KCNG2: variants seen among roughly 807,000 people sequenced by gnomAD.
The protein encoded by KCNG2 is voltage-gated potassium channel regulatory subunit KCNG2.
A neutral mutation model predicts 12.3 loss-of-function variants in KCNG2; 7 were observed. That is an observed-to-expected ratio of 0.57 (90% CI 0.32 to 1.07). The LOEUF is 1.07. KCNG2 is among the 50% of genes least tolerant of loss of function. The probability of loss-of-function intolerance (pLI) is 0.04; values close to 1 mark genes in which losing one functional copy is unlikely to be tolerated. For synonymous variants in KCNG2, 414 were observed against 351.4 expected (o/e 1.18, Z -1.99); for missense variants, 703 against 726.0 (o/e 0.97, Z 0.36).
At chr18:79,823,004 C>G (rs758310486) in intron 1 of KCNG2, among the ~76,000 whole-genome samples, 16 of 152,154 alleles carry the variant, frequency 1.1e-4, no homozygotes, top group Non-Finnish European at 2.4e-4. Flanking sequence ...AAGGCCCTTC[C>G]CACCTCCCTC....
rs982445596 is a variant in KCNG2, at chr18:79,884,759, C to T, written c.625-14281C>T. Among the ~76,000 whole-genome samples the T allele has an allele frequency of 6.6e-6, 1 of 152,222 alleles. No homozygotes were observed. Among genetic ancestry groups the T allele is most frequent in the Non-Finnish European group, 1.5e-5 (1 of 68,034 alleles). On this transcript the variant is annotated intron_variant, in intron 3 of 3. Coordinates refer to ENST00000316249, the MANE Select transcript of KCNG2 (RefSeq NM_012283.2). This position sits in a 1 kb window ranked among gnomAD's most constrained non-coding sequence, Gnocchi z 5.5. ...CAGGGGTCCGCCCGGCTCTGTGTTCCTCGGGGGGGCTCATCCTGGGGCCCA... is the reference window on the plus strand; with the variant it reads ...CAGGGGTCCGCCCGGCTCTGTGTTCTTCGGGGGGGCTCATCCTGGGGCCCA...
intron 3 of KCNG2, among the ~76,000 whole-genome samples, chr18:79,868,452 C>T (rs1055759681): frequency 2.6e-5 from 4 of 152,164 alleles, no homozygotes; most frequent in East Asian, 1.9e-4. Context: ...GACCCGTGTC[C>T]GAGCGTTGCA....
intron 1 of KCNG2, among the ~76,000 whole-genome samples, chr18:79,840,566 A>T (rs1332005218): frequency 6.6e-6 from 1 of 152,220 alleles, no homozygotes; most frequent in Non-Finnish European, 1.5e-5. Context: ...AATCCCAGTG[A>T]TTTAAAAAAT....
intron 3 of KCNG2, among the ~76,000 whole-genome samples, chr18:79,871,592 G>A (rs898639832): frequency 1.3e-5 from 2 of 152,206 alleles, no homozygotes; most frequent in African/African-American, 2.4e-5. Flanking sequence ...GACGTCTTGC[G>A]GCAGCAAGTC....
At chr18:79,860,686 T>C (rs1568259442) in intron 2 of KCNG2, among the ~76,000 whole-genome samples, 1 of 152,068 alleles carries the variant, frequency 6.6e-6, no homozygotes, top group Admixed American at 6.6e-5. Context: ...TGTGTGCGCA[T>C]GTGTATGTGT....
At chr18:79,824,471 C>A (rs1207911409) in intron 1 of KCNG2, among the ~76,000 whole-genome samples, 1 of 152,158 alleles carries the variant, frequency 6.6e-6, no homozygotes, top group Admixed American at 6.5e-5. Flanking sequence ...ACGGTTTCAC[C>A]CCTTCTTTAC....
At chr18:79,873,530 G>C (rs777048688) in intron 3 of KCNG2, among the ~76,000 whole-genome samples, 1 of 151,992 alleles carries the variant, frequency 6.6e-6, no homozygotes, top group African/African-American at 2.4e-5. Flanking sequence ...GCAGCTGTGA[G>C]GGGCGTCGGG....
chr18:79,798,162 C>T (rs1053253619), intron 1 of KCNG2, among the ~76,000 whole-genome samples, 148 bp downstream of exon 1: 1 of 107,014 alleles, frequency 9.3e-6, no homozygotes, highest in African/African-American at 3.6e-5. Flanking sequence ...CGCGCGGGCG[C>T]GGGAGGGTCG....
intron 1 of KCNG2, among the ~76,000 whole-genome samples, chr18:79,807,458 G>A (rs925205352): frequency 1.3e-5 from 2 of 152,270 alleles, no homozygotes; most frequent in South Asian, 2.1e-4. Context: ...CCACCTCAGC[G>A]GCGCGGACTG....
In KCNG2 at chr18:79,899,758, ACAGCGCGGGCCTGG is replaced by A; in HGVS notation, c.1345_1358del (p.Ser449ArgfsTer60). ...ACCGAGGACAGCTCGCAGGGCCCCG[ACAGCGCGGGCCTGG>A]CCGACGACTCCGCGGATGCGCTGTG... On this transcript the variant is annotated frameshift_variant, in exon 4 of 4. Coordinates refer to ENST00000316249, the MANE Select transcript of KCNG2 (RefSeq NM_012283.2). LOFTEE classifies it low-confidence loss of function (END_TRUNC). 4 of 1,569,474 alleles carry A rather than the reference ACAGCGCGGGCCTGG, an allele frequency of 2.5e-6. No homozygotes were observed. The highest frequency in any genetic ancestry group is 3.4e-6 in the Non-Finnish European group (4 of 1,163,676).
At chr18:79,815,716 G>C (rs1356492184) in intron 1 of KCNG2, among the ~76,000 whole-genome samples, 1 of 152,230 alleles carries the variant, frequency 6.6e-6, no homozygotes, top group African/African-American at 2.4e-5. Flanking sequence ...AGGGAGAAAA[G>C]AGGGGCTGTT....
intron 1 of KCNG2, among the ~76,000 whole-genome samples, chr18:79,828,613 C>T (rs1232305803): frequency 2.0e-5 from 3 of 150,102 alleles, no homozygotes; most frequent in South Asian, 2.1e-4. Context: ...ATGTGTGTAA[C>T]GTGTCTATGA....
intron 1 of KCNG2, among the ~76,000 whole-genome samples, chr18:79,798,370 C>T (rs2087380234): frequency 6.6e-6 from 1 of 152,108 alleles, no homozygotes; most frequent in Non-Finnish European, 1.5e-5. Flanking sequence ...CGTCTATTCG[C>T]GCTGGTCCTG....
rs1979324583 is a variant in KCNG2 at position 79,863,799 on chromosome 18, G to A, written c.132G>A (p.Glu44=). The A allele has an allele frequency of 1.5e-6, 2 of 1,310,520 alleles. No individual in the cohort carries two copies. Among genetic ancestry groups the A allele is most frequent in the East Asian group, 3.6e-5 (1 of 28,076 alleles). 81.2% of individuals were successfully genotyped at this position (1,310,520 alleles called of 1,614,324 possible). Residue 44 remains glutamate (E), a synonymous_variant, in exon 3 of 4, where the codon GAG becomes GAA. Transcript: ENST00000316249. The part of the protein sequence containing the change: ...ALARCPLARL[E]RLRACRGHDD... The stretch of plus-strand genomic sequence containing the variant: ...CGCGATGCCCCCTCGCGCGCCTGGA[G>A]CGCCTGCGCGCCTGCCGCGGCCACG...
rs1981099051 is a variant in KCNG2 at position 79,899,245 on chromosome 18, C to G, written c.830C>G (p.Thr277Ser). ...LLGLAAGPGG[T>S]KLLERAGLVL... Reference sequence around the variant, plus strand: ...GGGCTGGCGGCAGGCCCGGGCGGGACCAAGCTCCTGGAGCGCGCGGGGCTG... The same window carrying G: ...GGGCTGGCGGCAGGCCCGGGCGGGAGCAAGCTCCTGGAGCGCGCGGGGCTG... The change falls in exon 4 of 4, where the codon ACC (threonine) becomes AGC (serine). Residue 277 changes from threonine to serine, a missense_variant. By Grantham distance (58) the Thr-to-Ser change is moderately conservative (BLOSUM62 1). Transcript: ENST00000316249. The G allele has an allele frequency of 1.3e-6, 2 of 1,596,660 alleles. No homozygotes were observed. The highest frequency in any genetic ancestry group is 1.7e-4 in the Middle Eastern group (1 of 6,032).
chr18:79,854,577 A>T (rs1158269391), intron 1 of KCNG2, among the ~76,000 whole-genome samples: 3 of 133,046 alleles, frequency 2.3e-5, no homozygotes, highest in African/African-American at 8.4e-5. Flanking sequence ...CCCAGGCTGG[A>T]GTGCGGTGGC....
At chr18:79,854,109 C>G (rs1334042777) in intron 1 of KCNG2, among the ~76,000 whole-genome samples, 1 of 152,244 alleles carries the variant, frequency 6.6e-6, no homozygotes, top group Non-Finnish European at 1.5e-5. Context: ...GTTTCCTGGT[C>G]GTGGGCTCAG....
chr18:79,870,579 A>C (rs1273568003), intron 3 of KCNG2, among the ~76,000 whole-genome samples: 1 of 152,228 alleles, frequency 6.6e-6, no homozygotes, highest in Admixed American at 6.5e-5. Flanking sequence ...GCATCTGCTC[A>C]CTGGAGACCT....
At chr18:79,888,661 C>T (rs555248410) in intron 3 of KCNG2, among the ~76,000 whole-genome samples, 1 of 152,226 alleles carries the variant, frequency 6.6e-6, no homozygotes, top group East Asian at 1.9e-4. Flanking sequence ...CAGTTGAGAG[C>T]TCTTCTTTGA....
Sources: allele counts gnomAD v4.1 joint callset (sites outside exome capture counted in the v4.1 genomes callset), GRCh38; gene constraint gnomAD v4.1.1; non-coding constraint Gnocchi (gnomAD v3.1); transcripts MANE v1.5; gene names NCBI Gene and HGNC (gene_info 2026-07-23, HGNC 2026-07-21).